Variants in GFRA1 observed in about 807,000 individuals in gnomAD.
GFRA1 encodes GDNF family receptor alpha 1.
Under a neutral mutation model 51.6 loss-of-function variants are expected in GFRA1, and 16 were observed. That is an observed-to-expected ratio of 0.31 (90% CI 0.21 to 0.47). The LOEUF is 0.47. GFRA1 is among the 20% of genes least tolerant of loss of function. GFRA1 has a pLI of 1.00. For synonymous variants in GFRA1, 270 were observed against 241.3 expected, an observed-to-expected ratio of 1.12 and a Z score of -1.10; for missense variants, 530 against 594.3, an observed-to-expected ratio of 0.89 and a Z score of 1.13.
At chr10:116,207,639 A>C (rs1436775627) in intron 5 of GFRA1, among the ~76,000 whole-genome samples, 1 of 152,202 alleles carries the variant, frequency 6.6e-6, no homozygotes, top group Non-Finnish European at 1.5e-5. Context: ...ATATGCATGT[A>C]ATACATATGA....
At position 116,057,990 on chromosome 10, in the gene GFRA1, T is replaced by TTTTGTG. The variant is rs1555140472; in HGVS notation, c.*6407_*6408insCACAAA. 1.2e-4 allele frequency: 16 copies of TTTTGTG among 129,106 alleles called. No homozygotes were observed. Among genetic ancestry groups the TTTTGTG allele is most frequent in the African/African-American group, 4.7e-4 (16 of 34,126 alleles). 8.0% of individuals were successfully genotyped at this position (129,106 alleles called of 1,614,324 possible). ...GCTGGATCATATAGCCCTCCAATCA[T>TTTTGTG]TGTGTGTGTGTGTGTGTGTGTGTGT... On this transcript the variant is annotated 3_prime_UTR_variant, in exon 11 of 11. Coordinates refer to ENST00000355422, the MANE Select transcript of GFRA1 (RefSeq NM_005264.8).
intron 4 of GFRA1, among the ~76,000 whole-genome samples, chr10:116,227,316 C>T (rs541267587): frequency 2.2e-4 from 33 of 152,268 alleles, no homozygotes; most frequent in Non-Finnish European, 4.1e-4. Context: ...CCAGCCAATG[C>T]GCAGGGAACT....
chr10:116,199,732 T>C (rs889571934), intron 5 of GFRA1, among the ~76,000 whole-genome samples: 4 of 152,258 alleles, frequency 2.6e-5, no homozygotes, highest in South Asian at 4.1e-4. Context: ...CCTTTTAGAG[T>C]GAAATTTACA....
At chr10:116,173,851 C>T (rs1451292171) in intron 5 of GFRA1, among the ~76,000 whole-genome samples, 1 of 143,548 alleles carries the variant, frequency 7.0e-6, no homozygotes, top group Non-Finnish European at 1.5e-5. Context: ...CCAAGGCGGG[C>T]GGATCACCTA....
chr10:116,194,066 T>TAAAAAAAAAA (rs1051845471), intron 5 of GFRA1, among the ~76,000 whole-genome samples: 9 of 26,988 alleles, frequency 3.3e-4, no homozygotes, highest in Non-Finnish European at 5.2e-4. Context: ...AAATAAAATT[T>TAAAAAAAAAA]AAAAAAAAAA....
intron 4 of GFRA1, among the ~76,000 whole-genome samples, chr10:116,212,060 G>A (rs564598407): frequency 6.6e-6 from 1 of 152,298 alleles, no homozygotes; most frequent in Non-Finnish European, 1.5e-5. Flanking sequence ...TCATTTTATA[G>A]ATGGGGAAAC....
chr10:116,106,454 C>T lies in GFRA1; in HGVS notation c.771-9690G>A, dbSNP rs144696647. On this transcript the variant is annotated intron_variant, in intron 6 of 10. Transcript: ENST00000355422. Reference sequence around the variant, plus strand: ...CTGAAGCCTAGTGATATAGTTCGGACGTGTGTCCCCACCCAAATCTCACGC... The same window carrying T: ...CTGAAGCCTAGTGATATAGTTCGGATGTGTGTCCCCACCCAAATCTCACGC... Among the ~76,000 whole-genome samples, 273 of 152,288 alleles carry T rather than the reference C, an allele frequency of 1.8e-3. 1 individual carries two copies. The highest frequency in any genetic ancestry group is 6.4e-3 in the African/African-American group (268 of 41,566).
intron 5 of GFRA1, among the ~76,000 whole-genome samples, chr10:116,209,557 G>A (rs1965031220): frequency 6.6e-6 from 1 of 152,084 alleles, no homozygotes; most frequent in South Asian, 2.1e-4. Flanking sequence ...TTGTGTGCAT[G>A]GGCCCCAGAC....
chr10:116,064,676 G>A, intron 10 of GFRA1, 132 bp from the exon 11 acceptor site: 3 of 787,228 alleles, frequency 3.8e-6, no homozygotes, highest in South Asian at 2.8e-5. Flanking sequence ...TTTTACCACT[G>A]AGACTTACAT....
In GFRA1 at chr10:116,071,736, T is replaced by C. The variant is rs574174139; in HGVS notation, c.1198-6110A>G. The stretch of plus-strand genomic sequence containing the variant: ...GGGGACTGGGCCCATAGGTGGTCAA[T>C]TGGGAAATTAAATTAAAGGGCAAAA... On this transcript the variant is annotated intron_variant, in intron 9 of 10. Transcript: ENST00000355422. Among the ~76,000 whole-genome samples the C allele has an allele frequency of 5.3e-5, 8 of 152,340 alleles. No individual in the cohort carries two copies. In the South Asian group the frequency reaches 1.7e-3, roughly 32 times the overall value.
chr10:116,236,313 T>G (rs1966876123), intron 4 of GFRA1, among the ~76,000 whole-genome samples: 1 of 152,018 alleles, frequency 6.6e-6, no homozygotes, highest in African/African-American at 2.4e-5. Context: ...ACCACAGAAC[T>G]GGAAACAACA....
At chr10:116,127,797 A>G (rs1957938281) in intron 5 of GFRA1, among the ~76,000 whole-genome samples, 1 of 152,200 alleles carries the variant, frequency 6.6e-6, no homozygotes, top group African/African-American at 2.4e-5. Context: ...GCAGTGATTT[A>G]TATTCTTGAA....
At chr10:116,233,667 G>T (rs1330344490) in intron 4 of GFRA1, among the ~76,000 whole-genome samples, 1 of 152,186 alleles carries the variant, frequency 6.6e-6, no homozygotes, top group African/African-American at 2.4e-5. Flanking sequence ...TCCCCGCAGT[G>T]CTGTGACTCA....
At chr10:116,248,834 C>G (rs1214023451) in intron 4 of GFRA1, among the ~76,000 whole-genome samples, 1 of 152,158 alleles carries the variant, frequency 6.6e-6, no homozygotes, top group Non-Finnish European at 1.5e-5. Flanking sequence ...ATGGGTGTAG[C>G]TGGTCCTTCT....
intron 9 of GFRA1, among the ~76,000 whole-genome samples, chr10:116,088,952 ATGTGAACATACCC>A (rs1184857223): frequency 2.1e-5 from 3 of 143,870 alleles, no homozygotes; most frequent in African/African-American, 5.0e-5. Context: ...AAAAAAAAGA[ATGTGAACATACCC>A]TGTGAACATA....
intron 5 of GFRA1, among the ~76,000 whole-genome samples, chr10:116,145,148 C>CAAAAA (rs58509181): frequency 0.011 from 306 of 28,590 alleles, 22 homozygotes; most frequent in South Asian, 0.016. Context: ...GACTCTGTCT[C>CAAAAA]AAAAAAAAAA....
chr10:116,137,864 C>A (rs1301159241), intron 5 of GFRA1, among the ~76,000 whole-genome samples: 1 of 152,114 alleles, frequency 6.6e-6, no homozygotes, highest in South Asian at 2.1e-4. Flanking sequence ...TGCAATGGTA[C>A]GATCTTGGCT....
At chr10:116,104,224 G>A (rs1205981943) in intron 6 of GFRA1, among the ~76,000 whole-genome samples, 1 of 152,222 alleles carries the variant, frequency 6.6e-6, no homozygotes, top group East Asian at 1.9e-4. Flanking sequence ...AATACCATAA[G>A]GTCTAAGCAG....
chr10:116,261,413 C>T (rs531697439), intron 4 of GFRA1, among the ~76,000 whole-genome samples: 116 of 152,278 alleles, frequency 7.6e-4, no homozygotes, highest in African/African-American at 2.7e-3. Context: ...AAACAAATGC[C>T]GCACTTCCGA....
Sources: allele counts gnomAD v4.1 joint callset (sites outside exome capture counted in the v4.1 genomes callset), GRCh38; gene constraint gnomAD v4.1.1; transcripts MANE v1.5; gene names NCBI Gene and HGNC (gene_info 2026-07-23, HGNC 2026-07-21).